UPF3B: variants seen among roughly 807,000 people sequenced by gnomAD.
UPF3B encodes the protein regulator of nonsense transcripts 3B.
In UPF3B, 7 loss-of-function variants were observed where a neutral mutation model predicts 40.3. The ratio of observed to expected loss-of-function variants is 0.17; its 90% confidence interval spans 0.10 to 0.33. The LOEUF (loss-of-function observed/expected upper bound fraction) is 0.33, where lower values mean the gene tolerates loss of function less well. Ranked by LOEUF, UPF3B falls within the 10% of genes least tolerant of loss-of-function variation. The probability of loss-of-function intolerance (pLI) is 1.00; values close to 1 mark genes in which losing one functional copy is unlikely to be tolerated. For synonymous variants in UPF3B, 117 were observed against 117.3 expected, an observed-to-expected ratio of 1.00 and a Z score of 0.01; for missense variants, 229 against 358.9, an observed-to-expected ratio of 0.64 and a Z score of 2.93.
intron 5 of UPF3B, among the ~76,000 whole-genome samples, chrX:119,811,398 G>A (rs1019982485): frequency 1.8e-5 from 2 of 110,564 alleles, no homozygotes; most frequent in Admixed American, 9.6e-5. Flanking sequence ...TGTAATCCCA[G>A]CACTTTGGGA....
In UPF3B at chrX:119,841,224, C is replaced by T. The variant is rs774086911; in HGVS notation, c.659G>A (p.Arg220Lys). 1.4e-5 allele frequency: 16 copies of T among 1,180,402 alleles called. 1 individual carries two copies. In the South Asian group the frequency reaches 2.0e-4, roughly 15 times the overall value. ...MREEKREERR[R>K]REIERKRQRE... ...TTGTCTTTTTCTTTCTATTTCTCTCCTCCTCCTTTCTTCTCTCTTTTCTTC... is the reference window on the plus strand; with the variant it reads ...TTGTCTTTTTCTTTCTATTTCTCTCTTCCTCCTTTCTTCTCTCTTTTCTTC... Residue 220 changes from arginine (R) to lysine (K), a missense_variant, in exon 7 of 11, where the codon AGG becomes AAG. By Grantham distance (26) the Arg-to-Lys change is conservative. Transcript: ENST00000276201.
rs1332122750 is a variant in UPF3B, at chrX:119,845,405, A to AAG, written c.371-111_371-110dup. ...TGACTCTTTTGATGGCAGTCATCTG[A>AAG]AGAGGGTCTCCCAAAGGCATAAAGC... On this transcript the variant is annotated intron_variant, in intron 3 of 10. Coordinates refer to ENST00000276201, the MANE Select transcript of UPF3B (RefSeq NM_080632.3). The AAG allele has an allele frequency of 3.3e-5, 21 of 630,259 alleles. No homozygotes were observed. In the African/African-American group the frequency reaches 4.4e-4, roughly 13 times the overall value. 51.9% of individuals were successfully genotyped at this position (630,259 alleles called of 1,213,427 possible).
intron 10 of UPF3B, among the ~76,000 whole-genome samples, chrX:119,836,567 G>C (rs752807774): frequency 3.6e-5 from 4 of 109,741 alleles, no homozygotes; most frequent in African/African-American, 1.3e-4. Context: ...ATCTAGTAGG[G>C]GTAGGGATGA....
chrX:119,824,082 A>G (rs2055954276), intron 3 of UPF3B, among the ~76,000 whole-genome samples: 1 of 108,951 alleles, frequency 9.2e-6, no homozygotes, highest in South Asian at 4.0e-4. Context: ...GGGGGAAAGG[A>G]TATCAATTAA....
At chrX:119,843,132 T>C (rs2056186469) in intron 5 of UPF3B, 59 bp downstream of exon 5, 4 of 771,195 alleles carry the variant, frequency 5.2e-6, no homozygotes, top group South Asian at 2.1e-5. Context: ...CTGATGGAGG[T>C]AGGAGACTTA....
At position 119,837,281 on chromosome X, in the gene UPF3B, T is replaced by C. The variant is rs184244373; in HGVS notation, c.1302+476A>G. Among the ~76,000 whole-genome samples the C allele has an allele frequency of 3.3e-3, 360 of 109,405 alleles. 1 individual carries two copies. The highest frequency in any genetic ancestry group is 5.1e-3 in the Non-Finnish European group (269 of 52,520). ...TCTCTATTCTACTTTTGTGTATGTT[T>C]ACAATTTCTATAGTAAGTTAATAAA... On this transcript the variant is annotated intron_variant, in intron 10 of 10. Transcript: ENST00000276201.
intron 4 of UPF3B, among the ~76,000 whole-genome samples, chrX:119,821,634 T>C (rs1294343072): frequency 9.0e-6 from 1 of 110,984 alleles, no homozygotes; most frequent in Non-Finnish European, 1.9e-5. Context: ...CCATCTCTAC[T>C]AAAAATACAA....
intron 3 of UPF3B, among the ~76,000 whole-genome samples, chrX:119,846,401 G>A (rs1467716424): frequency 3.8e-5 from 4 of 106,514 alleles, no homozygotes; most frequent in African/African-American, 6.8e-5. Flanking sequence ...GATAGTGCAC[G>A]CCTGTAATCC....
rs779206466 is a variant in UPF3B at position 119,841,143 on chromosome X, A to G, written c.740T>C (p.Ile247Thr). Residue 247 changes from isoleucine (I) to threonine (T), a missense_variant, in exon 7 of 11, where the codon ATA becomes ACA. This residue lies in a region of UPF3B where 87 missense variants were observed against 184.2 expected (regional missense o/e 0.47). Transcript: ENST00000276201. Reference sequence around the variant, plus strand: ...TCTGTCTATCTTCTTTAGCTTTTCTATATCTTTCCTTTTTCGTTTCTCTTC... The same window carrying G: ...TCTGTCTATCTTCTTTAGCTTTTCTGTATCTTTCCTTTTTCGTTTCTCTTC... ...KEEEKRKRKD[I>T]EKLKKIDRIP... 8 of 1,196,189 alleles carry G rather than the reference A, an allele frequency of 6.7e-6. No homozygotes were observed. The highest frequency in any genetic ancestry group is 2.3e-4 in the Middle Eastern group (1 of 4,326).
chrX:119,822,899 C>T (rs11796779), intron 4 of UPF3B: 341,937 of 830,713 alleles, frequency 0.41, 54,637 homozygotes, highest in Non-Finnish European at 0.46. Context: ...TGAGCCACCA[C>T]GCCCGGCCTC....
chrX:119,828,806 T>C (rs1193330976), intron 3 of UPF3B, among the ~76,000 whole-genome samples: 2 of 110,884 alleles, frequency 1.8e-5, no homozygotes, highest in Non-Finnish European at 3.8e-5. Context: ...CTGCAACCTC[T>C]GCCTCCTGGG....
intron 3 of UPF3B, among the ~76,000 whole-genome samples, chrX:119,826,354 G>A (rs773690482): frequency 5.5e-5 from 6 of 108,949 alleles, no homozygotes; most frequent in Admixed American, 2.0e-4. Flanking sequence ...GGTGGTGCGT[G>A]CCTATAATCC....
chrX:119,846,026 T>C lies in UPF3B; in HGVS notation c.371-730A>G, dbSNP rs181030741. Among the ~76,000 whole-genome samples, 17 of 101,529 alleles carry C rather than the reference T, an allele frequency of 1.7e-4. No homozygotes were observed. The East Asian group carries it at 5.5e-3, about 33-fold the overall frequency. 88.2% of individuals were successfully genotyped at this position (101,529 alleles called of 115,157 possible). The stretch of plus-strand genomic sequence containing the variant: ...TTCATAATGTATACATTTCATAATG[T>C]ATACATATATAAAATTATCACGTTG... On this transcript the variant is annotated intron_variant, in intron 3 of 10. Coordinates refer to ENST00000276201, the MANE Select transcript of UPF3B (RefSeq NM_080632.3).
chrX:119,852,048 C>T (rs1055623724), intron 1 of UPF3B, among the ~76,000 whole-genome samples, 175 bp from the exon 2 acceptor site: 6 of 108,737 alleles, frequency 5.5e-5, no homozygotes, highest in African/African-American at 1.7e-4. Context: ...ATAATAGTAA[C>T]GCGGTTTAAA....
At chrX:119,840,165 T>G (rs947515108) in intron 8 of UPF3B, among the ~76,000 whole-genome samples, 2 of 112,089 alleles carry the variant, frequency 1.8e-5, no homozygotes, top group Non-Finnish European at 1.9e-5. Context: ...GCCCAAGCCA[T>G]GCCCTTAGAA....
intron 4 of UPF3B, among the ~76,000 whole-genome samples, chrX:119,820,925 C>T (rs142724916): frequency 4.9e-4 from 55 of 111,838 alleles, no homozygotes; most frequent in African/African-American, 1.7e-3. Flanking sequence ...GAAAATCAGG[C>T]AAAAGCTCAA....
chrX:119,816,972 AAAAT>A (rs2055870408), intron 4 of UPF3B, among the ~76,000 whole-genome samples: 1 of 110,953 alleles, frequency 9.0e-6, no homozygotes, highest in Non-Finnish European at 1.9e-5. Flanking sequence ...ATTTATTTAT[AAAAT>A]AAATAAAATA....
chrX:119,812,270 A>G (rs758954186), intron 5 of UPF3B, among the ~76,000 whole-genome samples: 1 of 111,032 alleles, frequency 9.0e-6, no homozygotes, highest in African/African-American at 3.3e-5. Context: ...AAAGAAAAAA[A>G]TCCACCTAGG....
intron 4 of UPF3B, among the ~76,000 whole-genome samples, chrX:119,821,848 T>TA (rs2147764426): frequency 9.0e-6 from 1 of 111,721 alleles, no homozygotes; most frequent in East Asian, 2.8e-4. Context: ...TTACTAAAGT[T>TA]ACTCACCACA....
Sources: allele counts gnomAD v4.1 joint callset (sites outside exome capture counted in the v4.1 genomes callset), GRCh38; gene constraint gnomAD v4.1.1; regional missense constraint gnomAD v4.1.1; transcripts MANE v1.5; gene names NCBI Gene and HGNC (gene_info 2026-07-23, HGNC 2026-07-21).